NREP: variants seen among roughly 807,000 people sequenced by gnomAD.
NREP encodes the protein neuronal regeneration related protein.
NREP carries 5 observed loss-of-function variants against 8.6 expected under a neutral mutation model. The observed-to-expected ratio is 0.58, with a 90% CI of 0.30 to 1.22. The LOEUF (loss-of-function observed/expected upper bound fraction) is 1.22, where lower values mean the gene tolerates loss of function less well. NREP is among the 50% of genes most tolerant of loss of function. The pLI is 0.07. For synonymous variants in NREP, 27 were observed against 28.0 expected, an observed-to-expected ratio of 0.96 and a Z score of 0.11; for missense variants, 86 against 82.5, an observed-to-expected ratio of 1.04 and a Z score of -0.17.
intron 2 of NREP, among the ~76,000 whole-genome samples, chr5:111,849,176 G>A (rs1007749251): frequency 7.9e-5 from 12 of 152,128 alleles, no homozygotes; most frequent in African/African-American, 2.9e-4. Flanking sequence ...GTCCTAGAAG[G>A]ACAGTGAAAG....
chr5:111,877,407 G>A lies in NREP; in HGVS notation c.135+97867C>T, dbSNP rs569441590. Among the ~76,000 whole-genome samples, 5 of 152,280 alleles carry A rather than the reference G, an allele frequency of 3.3e-5. No individual in the cohort carries two copies. The East Asian group carries it at 7.7e-4, about 23-fold the overall frequency. ...CACCCTCTATACCTGTGATTCTTGA[G>A]GTGTTTCTCCATGGATCACCAACAT... On this transcript the variant is annotated intron_variant, in intron 2 of 3. Transcript: ENST00000395634.
chr5:111,777,391 T>C (rs188849944), intron 2 of NREP, among the ~76,000 whole-genome samples: 63 of 151,832 alleles, frequency 4.1e-4, no homozygotes, highest in Non-Finnish European at 1.5e-5. Context: ...AAGTACGTAT[T>C]TATTATGAGA....
chr5:111,837,838 A>C (rs543139056), intron 2 of NREP, among the ~76,000 whole-genome samples: 7 of 152,170 alleles, frequency 4.6e-5, no homozygotes, highest in Non-Finnish European at 8.8e-5. Flanking sequence ...GGAAAAACAT[A>C]ATTTTTTCAT....
intron 2 of NREP, among the ~76,000 whole-genome samples, chr5:111,919,718 G>T (rs1055043651): frequency 2.6e-5 from 4 of 152,040 alleles, no homozygotes; most frequent in African/African-American, 7.2e-5. Flanking sequence ...ACCGGGGCCT[G>T]TCAGGGGTTG....
At chr5:111,746,528 A>G (rs1389734811) in intron 2 of NREP, among the ~76,000 whole-genome samples, 1 of 152,152 alleles carries the variant, frequency 6.6e-6, no homozygotes, top group Non-Finnish European at 1.5e-5. Flanking sequence ...AGAGATATGG[A>G]CAGAATTTTT....
chr5:111,779,648 C>A (rs1384268723), intron 2 of NREP, among the ~76,000 whole-genome samples: 2 of 152,078 alleles, frequency 1.3e-5, no homozygotes, highest in African/African-American at 4.8e-5. Context: ...TATGGCTTGC[C>A]CGTGAGAACC....
At chr5:111,861,785 C>G (rs995304211) in intron 2 of NREP, among the ~76,000 whole-genome samples, 1 of 152,106 alleles carries the variant, frequency 6.6e-6, no homozygotes, top group Non-Finnish European at 1.5e-5. Context: ...ATCCTAATCA[C>G]GTTCCCCAGT....
At chr5:111,782,362 G>C (rs907517413) in intron 2 of NREP, among the ~76,000 whole-genome samples, 9 of 152,184 alleles carry the variant, frequency 5.9e-5, no homozygotes, top group African/African-American at 2.2e-4. Flanking sequence ...AAAGCACTTT[G>C]TTAGTTATCC....
At chr5:111,794,489 C>T (rs561123448) in intron 2 of NREP, among the ~76,000 whole-genome samples, 2 of 152,164 alleles carry the variant, frequency 1.3e-5, no homozygotes, top group South Asian at 2.1e-4. Flanking sequence ...AATATTATCC[C>T]GTGTTAATAA....
intron 2 of NREP, among the ~76,000 whole-genome samples, chr5:111,933,082 G>T (rs1360684562): frequency 3.3e-5 from 5 of 152,070 alleles, no homozygotes; most frequent in Admixed American, 3.3e-4. Context: ...AACTTTGAAA[G>T]AATTTTTTTG....
At chr5:111,793,427 C>T (rs183197784) in intron 2 of NREP, among the ~76,000 whole-genome samples, 5 of 152,086 alleles carry the variant, frequency 3.3e-5, no homozygotes, top group East Asian at 3.9e-4. Flanking sequence ...CTCCAATAAC[C>T]GAAGGCAGGA....
intron 2 of NREP, among the ~76,000 whole-genome samples, chr5:111,826,529 A>G (rs1445264628): frequency 6.6e-6 from 1 of 152,234 alleles, no homozygotes; most frequent in Non-Finnish European, 1.5e-5. Context: ...CTCCAGACGC[A>G]TCTGAACATC....
At chr5:111,757,851 G>A, upstream of NREP, 1 of 972,436 alleles carries the variant, frequency 1.0e-6, no homozygotes, top group African/African-American at 1.8e-5. Context: ...GTTTGGGGGC[G>A]CGCCAAGCGT....
At chr5:111,890,221 C>T (rs965631096) in intron 2 of NREP, among the ~76,000 whole-genome samples, 1 of 151,998 alleles carries the variant, frequency 6.6e-6, no homozygotes, top group African/African-American at 2.4e-5. Context: ...AATATTAAAG[C>T]TCCAAAATAA....
chr5:111,917,615 T>C (rs565654396), intron 2 of NREP, among the ~76,000 whole-genome samples: 220 of 152,300 alleles, frequency 1.4e-3, no homozygotes, highest in African/African-American at 5.2e-3. Flanking sequence ...AACCACCTGA[T>C]TATCTCCATA....
At chr5:111,882,419 C>T (rs1581188344) in intron 2 of NREP, among the ~76,000 whole-genome samples, 2 of 152,278 alleles carry the variant, frequency 1.3e-5, no homozygotes, top group African/African-American at 4.8e-5. Context: ...GGATATTATC[C>T]AGGAGAACTT....
chr5:111,806,873 TTCCTGGTATG>T, intron 2 of NREP, among the ~76,000 whole-genome samples: 1 of 151,980 alleles, frequency 6.6e-6, no homozygotes, highest in African/African-American at 2.4e-5. Flanking sequence ...TACTAACAGG[TTCCTGGTATG>T]GGCATTAGAC....
At chr5:111,780,587 T>G (rs1751469745) in intron 2 of NREP, among the ~76,000 whole-genome samples, 1 of 152,078 alleles carries the variant, frequency 6.6e-6, no homozygotes. Flanking sequence ...TGGTGGGGAG[T>G]GTATTTCATT....
At chr5:111,967,992 A>C (rs2112665187) in intron 2 of NREP, among the ~76,000 whole-genome samples, 1 of 152,286 alleles carries the variant, frequency 6.6e-6, no homozygotes, top group Middle Eastern at 3.4e-3. Flanking sequence ...CTCTAATACA[A>C]ATTTAAATAA....
Sources: allele counts gnomAD v4.1 joint callset (sites outside exome capture counted in the v4.1 genomes callset), GRCh38; gene constraint gnomAD v4.1.1; transcripts MANE v1.5; gene names NCBI Gene and HGNC (gene_info 2026-07-23, HGNC 2026-07-21).